The following SLC22A24 variants were observed in gnomAD, a reference collection of about 807,000 sequenced individuals.
The protein encoded by SLC22A24 is steroid transmembrane transporter SLC22A24.
SLC22A24 carries 53 observed loss-of-function variants against 49.8 expected under a neutral mutation model. The ratio of observed to expected loss-of-function variants is 1.06; its 90% confidence interval spans 0.85 to 1.34. SLC22A24 has a LOEUF of 1.34. Ranked by LOEUF, SLC22A24 falls within the 40% of genes most tolerant of loss-of-function variation. The pLI is 0.00. For missense variants in SLC22A24, 786 were observed against 675.9 expected (o/e 1.16, Z -1.81); for synonymous variants, 302 against 256.4 (o/e 1.18, Z -1.70).
At chr11:63,111,957 G>A (rs1414609739) in intron 4 of SLC22A24, among the ~76,000 whole-genome samples, 1 of 151,644 alleles carries the variant, frequency 6.6e-6, no homozygotes, top group Non-Finnish European at 1.5e-5. Flanking sequence ...GTCAATTTTG[G>A]ATCTTTCTTG....
chr11:63,107,096 G>T (rs542558506), intron 4 of SLC22A24, among the ~76,000 whole-genome samples: 26 of 152,166 alleles, frequency 1.7e-4, no homozygotes, highest in African/African-American at 5.5e-4. Flanking sequence ...CCATCTTGAA[G>T]TAATTTTTGT....
chr11:63,114,685 T>A (rs2087199271), intron 4 of SLC22A24, among the ~76,000 whole-genome samples: 1 of 152,214 alleles, frequency 6.6e-6, no homozygotes, highest in African/African-American at 2.4e-5. Flanking sequence ...TCTCCCCATC[T>A]TTGTGGTTTT....
rs562782749 is a variant in SLC22A24, at chr11:63,099,284, A to G, written c.955-3178T>C. Among the ~76,000 whole-genome samples the G allele has an allele frequency of 2.7e-5, 4 of 150,272 alleles. No homozygotes were observed. The East Asian group carries it at 5.9e-4, about 22-fold the overall frequency. The stretch of plus-strand genomic sequence containing the variant: ...GCTTTCATGGCTTATAGCAGCCTCA[A>G]CCTTCCAGGCTGAGGTGATTGTTCC... On this transcript the variant is annotated intron_variant, in intron 5 of 9. Transcript: ENST00000612278.
chr11:63,106,915 C>G (rs552049675), intron 4 of SLC22A24, among the ~76,000 whole-genome samples: 1 of 152,260 alleles, frequency 6.6e-6, no homozygotes, highest in East Asian at 1.9e-4. Flanking sequence ...TTTTGCTGTG[C>G]AGAAGCTCTT....
rs887240863 is a variant in SLC22A24 at position 63,141,229 on chromosome 11, C to T, written c.402+2149G>A. Among the ~76,000 whole-genome samples the T allele has an allele frequency of 1.5e-4, 23 of 152,240 alleles. No homozygotes were observed. The East Asian group carries it at 4.2e-3, about 28-fold the overall frequency. The stretch of plus-strand genomic sequence containing the variant: ...CTTTAACATTAAAGATGCACTAATG[C>T]AAACATGAAATTTGGTTTTCTCTTT... On this transcript the variant is annotated intron_variant, in intron 1 of 9. Transcript: ENST00000612278.
At chr11:63,106,942 C>T (rs1319786041) in intron 4 of SLC22A24, among the ~76,000 whole-genome samples, 4 of 152,094 alleles carry the variant, frequency 2.6e-5, no homozygotes, top group Non-Finnish European at 4.4e-5. Context: ...AATTAGATCC[C>T]GTCTGTGAAT....
chr11:63,087,452 T>A (rs980367988), intron 6 of SLC22A24, among the ~76,000 whole-genome samples: 40 of 152,326 alleles, frequency 2.6e-4, no homozygotes, highest in African/African-American at 9.6e-4. Flanking sequence ...CTCGTGTGCC[T>A]ATACCACCAG....
chr11:63,089,540 T>A (rs749378780), intron 6 of SLC22A24, among the ~76,000 whole-genome samples: 1 of 152,182 alleles, frequency 6.6e-6, no homozygotes, highest in Non-Finnish European at 1.5e-5. Context: ...GCTAGCATCA[T>A]GATGATAGGA....
At position 63,080,984 on chromosome 11, in the gene SLC22A24, T is replaced by G. The variant is rs1372625557; in HGVS notation, c.1534A>C (p.Ile512Leu). 1.7e-5 allele frequency: 27 copies of G among 1,552,106 alleles called. No homozygotes were observed. Among genetic ancestry groups the G allele is most frequent in the Non-Finnish European group, 2.1e-5 (24 of 1,147,384 alleles). ...TCCCTGGTTTCTGGAAGGAGGAGGA[T>G]AACAGGGACAGCAAGGATGGGGAAG... Reference protein sequence around the residue: ...GVFPILAVPVILLLPETRDLP... With the variant: ...GVFPILAVPVLLLLPETRDLP... Residue 512 changes from isoleucine to leucine, a missense_variant, in exon 9 of 10, where the codon ATC becomes CTC. Ile to Leu is a conservative substitution (Grantham distance 5, BLOSUM62 2). Coordinates refer to ENST00000612278, the MANE Select transcript of SLC22A24 (RefSeq NM_001136506.2).
chr11:63,138,894 G>C (rs376741134), intron 1 of SLC22A24, among the ~76,000 whole-genome samples: 2 of 151,950 alleles, frequency 1.3e-5, no homozygotes, highest in Non-Finnish European at 2.9e-5. Context: ...TCCTTTCTCT[G>C]AACTACCTTG....
intron 6 of SLC22A24, among the ~76,000 whole-genome samples, chr11:63,088,434 G>C (rs973904559): frequency 7.0e-6 from 1 of 142,118 alleles, no homozygotes; most frequent in African/African-American, 2.5e-5. Flanking sequence ...AAGGTCATCA[G>C]CCTCAACAAT....
chr11:63,081,667 C>T lies in SLC22A24; in HGVS notation c.1286-1G>A, dbSNP rs1017963032. ...AAAACCACACGCAGGATCTGCATTT[C>T]TAGAGAGAACAGTGAGAATCAGGAA... On this transcript the variant is annotated splice_acceptor_variant, in intron 7 of 9. Coordinates refer to ENST00000612278, the MANE Select transcript of SLC22A24 (RefSeq NM_001136506.2). LOFTEE classifies it high-confidence loss of function. 81 of 1,542,908 alleles carry T rather than the reference C, an allele frequency of 5.2e-5. No individual in the cohort carries two copies. The Admixed American group carries it at 7.5e-4, about 14-fold the overall frequency.
At position 63,099,371 on chromosome 11, in the gene SLC22A24, A is replaced by ATTTTTTTTTTTTTTTTT. The variant is rs56708217; in HGVS notation, c.955-3282_955-3266dup. Among the ~76,000 whole-genome samples the ATTTTTTTTTTTTTTTTT allele has an allele frequency of 2.0e-3, 107 of 52,334 alleles. 13 individuals carry two copies. The highest frequency in any genetic ancestry group is 3.1e-3 in the Admixed American group (8 of 2,598). The allele number at this position is 52,334 out of a possible 152,430, so 34.3% of individuals were successfully genotyped here. On this transcript the variant is annotated intron_variant, in intron 5 of 9. Coordinates refer to ENST00000612278, the MANE Select transcript of SLC22A24 (RefSeq NM_001136506.2). ...CCACCACACCTGGCTAATTTTTAAGATTTTTTTTTTTTTTTTTTTTTTTTT... is the reference window on the plus strand; with the variant it reads ...CCACCACACCTGGCTAATTTTTAAGATTTTTTTTTTTTTTTTTTTTTTTTTTTTTTTTTTTTTTTTTT...
chr11:63,141,089 A>G (rs2134687464), intron 1 of SLC22A24, among the ~76,000 whole-genome samples: 1 of 152,334 alleles, frequency 6.6e-6, no homozygotes, highest in East Asian at 1.9e-4. Flanking sequence ...TAGAAAATTG[A>G]TGTGCTGTTT....
rs78372686 is a variant in SLC22A24 at position 63,140,594 on chromosome 11, A to G, written c.402+2784T>C. On this transcript the variant is annotated intron_variant, in intron 1 of 9. Coordinates refer to ENST00000612278, the MANE Select transcript of SLC22A24 (RefSeq NM_001136506.2). The stretch of plus-strand genomic sequence containing the variant: ...GAGCCTCGCCCTTAGCTATGCTGAA[A>G]AGAATTAGATCTTATCTTCACTTCT... Among the ~76,000 whole-genome samples the G allele has an allele frequency of 7.3e-3, 1,109 of 152,232 alleles. 15 individuals are homozygous for G. The highest frequency in any genetic ancestry group is 0.023 in the African/African-American group (962 of 41,538).
chr11:63,090,381 T>C (rs935030829), intron 6 of SLC22A24, among the ~76,000 whole-genome samples: 1 of 151,872 alleles, frequency 6.6e-6, no homozygotes, highest in African/African-American at 2.4e-5. Context: ...TCTACAGAAC[T>C]CTCCACCCCA....
At chr11:63,081,980 G>A (rs1038179615) in intron 7 of SLC22A24, among the ~76,000 whole-genome samples, 8 of 152,118 alleles carry the variant, frequency 5.3e-5, no homozygotes, top group Non-Finnish European at 1.2e-4. Context: ...TATTTTCTGT[G>A]TACTTCCAGT....
chr11:63,114,537 C>T (rs1008067769), intron 4 of SLC22A24, among the ~76,000 whole-genome samples: 5 of 152,128 alleles, frequency 3.3e-5, no homozygotes, highest in African/African-American at 1.2e-4. Context: ...TTATTATTGA[C>T]CTTCTGAAGC....
intron 2 of SLC22A24, among the ~76,000 whole-genome samples, chr11:63,124,970 G>A (rs1276399432): frequency 1.3e-5 from 2 of 151,568 alleles, no homozygotes; most frequent in Non-Finnish European, 2.9e-5. Flanking sequence ...GGGGGAGTGG[G>A]GAGGGATAGC....
Sources: allele counts gnomAD v4.1 joint callset (sites outside exome capture counted in the v4.1 genomes callset), GRCh38; gene constraint gnomAD v4.1.1; transcripts MANE v1.5; gene names NCBI Gene and HGNC (gene_info 2026-07-23, HGNC 2026-07-21).